NAV2: variants seen among roughly 807,000 people sequenced by gnomAD.
NAV2 encodes helicase, APC down-regulated 1.
In NAV2, 54 loss-of-function variants were observed where a neutral mutation model predicts 223.2. The observed-to-expected ratio is 0.24, with a 90% CI of 0.19 to 0.30. NAV2 has a LOEUF of 0.30. Among genes scored for constraint, NAV2 ranks in the 10% least tolerant of loss-of-function variants. The pLI, the probability that NAV2 is intolerant of heterozygous loss-of-function variation, is 1.00. For missense variants in NAV2, 2,806 were observed against 3,147.5 expected (o/e 0.89, Z 2.60); for synonymous variants, 1,279 against 1,239.3 (o/e 1.03, Z -0.67).
intron 9 of NAV2, 81 bp from the exon 10 acceptor site, chr11:19,948,609 TA>T: frequency 7.2e-7 from 1 of 1,385,342 alleles, no homozygotes; most frequent in Non-Finnish European, 9.6e-7. Context: ...GATTATTTCA[TA>T]ATTCTAAATA....
chr11:19,681,706 A>G (rs1479252185), intron 1 of NAV2, among the ~76,000 whole-genome samples: 1 of 152,100 alleles, frequency 6.6e-6, no homozygotes, highest in East Asian at 1.9e-4. Flanking sequence ...AGTACAGGAA[A>G]TCTCTCTATA....
chr11:19,393,008 T>A (rs561746833), intron 1 of NAV2, among the ~76,000 whole-genome samples: 1 of 152,314 alleles, frequency 6.6e-6, no homozygotes, highest in South Asian at 2.1e-4. Context: ...TAGCAAACAG[T>A]ACTGATGTCA....
intron 1 of NAV2, among the ~76,000 whole-genome samples, chr11:19,618,837 C>G (rs889220192): frequency 1.6e-4 from 24 of 151,754 alleles, no homozygotes; most frequent in Middle Eastern, 6.8e-3. Flanking sequence ...AAGATGGCCT[C>G]TCTGGGACCC....
At chr11:19,936,066 A>C (rs1259245980) in intron 7 of NAV2, among the ~76,000 whole-genome samples, 1 of 147,920 alleles carries the variant, frequency 6.8e-6, no homozygotes, top group Non-Finnish European at 1.5e-5. Flanking sequence ...ACAGGATTTC[A>C]CCATGTTGTC....
chr11:19,891,937 GA>G (rs993844460), intron 5 of NAV2, among the ~76,000 whole-genome samples: 37 of 148,336 alleles, frequency 2.5e-4, no homozygotes, highest in East Asian at 9.8e-4. Flanking sequence ...ATCCCAGAGG[GA>G]AAAAAAAAAT....
At chr11:19,511,389 T>C (rs2043274521) in intron 1 of NAV2, 1 of 152,098 alleles carries the variant, frequency 6.6e-6, no homozygotes, top group African/African-American at 2.4e-5. Flanking sequence ...GAGAGTAGAT[T>C]AGTGGTTGCC....
intron 2 of NAV2, among the ~76,000 whole-genome samples, chr11:19,842,126 T>C (rs1053813700): frequency 1.2e-4 from 18 of 152,212 alleles, no homozygotes; most frequent in African/African-American, 4.3e-4. Flanking sequence ...TCCATAGATA[T>C]CTTGGACTGT....
chr11:19,789,351 C>T (rs774778095), intron 1 of NAV2, among the ~76,000 whole-genome samples: 7 of 152,150 alleles, frequency 4.6e-5, no homozygotes, highest in Non-Finnish European at 8.8e-5. Context: ...AGCAAGTAGT[C>T]GAAATCCCAA....
chr11:19,914,865 T>C (rs1477759954), intron 6 of NAV2, among the ~76,000 whole-genome samples: 1 of 152,222 alleles, frequency 6.6e-6, no homozygotes, highest in Non-Finnish European at 1.5e-5. Context: ...TTCTTAAAAG[T>C]TCTTCAGCTC....
intron 1 of NAV2, among the ~76,000 whole-genome samples, chr11:19,563,753 A>C (rs2045176440): frequency 6.6e-6 from 1 of 152,180 alleles, no homozygotes; most frequent in Admixed American, 6.5e-5. Flanking sequence ...CTGGGTTCAA[A>C]TCTGGGCTCT....
Position 19,705,939 on chromosome 11 carries a change from C to T in NAV2, c.76-126545C>T, listed in dbSNP as rs115381225. Among the ~76,000 whole-genome samples the T allele has an allele frequency of 1.9e-3, 284 of 152,270 alleles. 1 individual carries two copies. Among genetic ancestry groups the T allele is most frequent in the African/African-American group, 6.6e-3 (274 of 41,560 alleles). On this transcript the variant is annotated intron_variant, in intron 1 of 37. Coordinates refer to the NAV2 transcript ENST00000360655. The stretch of plus-strand genomic sequence containing the variant: ...TATAGATGACAATATAGCTTGACCC[C>T]TGGACTCTAGGCTGACCTTCACATA...
At chr11:20,025,315 T>C (rs1447903343) in intron 11 of NAV2, among the ~76,000 whole-genome samples, 1 of 152,238 alleles carries the variant, frequency 6.6e-6, no homozygotes. Flanking sequence ...TTTCATTTGC[T>C]ATAATATGCT....
chr11:19,889,884 C>T (rs910862266), intron 5 of NAV2, among the ~76,000 whole-genome samples: 9 of 152,204 alleles, frequency 5.9e-5, no homozygotes, highest in Non-Finnish European at 1.3e-4. Flanking sequence ...TATCTTGCCT[C>T]TTTGAAAATG....
At chr11:19,851,970 G>A (rs1227144118) in intron 3 of NAV2, among the ~76,000 whole-genome samples, 10 of 152,230 alleles carry the variant, frequency 6.6e-5, no homozygotes. Flanking sequence ...AAGATGCTAA[G>A]TTGCAGGCTT....
chr11:19,964,408 A>G (rs2048582851), intron 10 of NAV2, among the ~76,000 whole-genome samples: 1 of 152,292 alleles, frequency 6.6e-6, no homozygotes, highest in East Asian at 1.9e-4. Context: ...CCATTGTAAT[A>G]ATATTAACAC....
At chr11:19,583,108 G>GA (rs1252034905) in intron 1 of NAV2, among the ~76,000 whole-genome samples, 1 of 152,160 alleles carries the variant, frequency 6.6e-6, no homozygotes, top group African/African-American at 2.4e-5. Flanking sequence ...TTGTAAGTTA[G>GA]ATTCCTAGGT....
At chr11:19,863,483 T>C (rs1001748475) in intron 3 of NAV2, among the ~76,000 whole-genome samples, 6 of 152,212 alleles carry the variant, frequency 3.9e-5, no homozygotes, top group Non-Finnish European at 8.8e-5. Flanking sequence ...CACAAATTTC[T>C]CTTTATTCCT....
intron 1 of NAV2, among the ~76,000 whole-genome samples, chr11:19,572,080 A>C (rs2045443150): frequency 6.6e-6 from 1 of 152,222 alleles, no homozygotes; most frequent in Non-Finnish European, 1.5e-5. Flanking sequence ...ACTGGCAGAC[A>C]CAGGGGTGCA....
At chr11:19,916,842 C>T (rs1262148649) in intron 6 of NAV2, among the ~76,000 whole-genome samples, 1 of 152,182 alleles carries the variant, frequency 6.6e-6, no homozygotes, top group Non-Finnish European at 1.5e-5. Context: ...CCTTCAGGCC[C>T]AGGCTTACTG....
Sources: gnomAD v4.1 joint callset for allele counts (sites outside exome capture counted in the v4.1 genomes callset) on GRCh38, gnomAD v4.1.1 for gene constraint, MANE v1.5 for transcripts, NCBI Gene and HGNC (gene_info 2026-07-23, HGNC 2026-07-21) for gene names.